Variants in ADAMTSL2 observed in about 807,000 individuals in gnomAD.
The protein encoded by ADAMTSL2 is ADAMTS like 2, also known as ADAMTS-like protein 2.
In ADAMTSL2, 55 loss-of-function variants were observed where a neutral mutation model predicts 117.0. The observed-to-expected ratio is 0.47, with a 90% confidence interval of 0.38 to 0.59. The LOEUF (loss-of-function observed/expected upper bound fraction) is 0.59. Ranked by LOEUF, ADAMTSL2 falls within the 20% of genes least tolerant of loss-of-function variation. The probability of loss-of-function intolerance (pLI) is 0.00; values close to 1 mark genes in which losing one functional copy is unlikely to be tolerated. For synonymous variants in ADAMTSL2, 572 were observed against 566.4 expected (o/e 1.01, Z -0.14); for missense variants, 1,182 against 1,354.5 (o/e 0.87, Z 2.00).
Position 133,553,038 on chromosome 9 carries a change from T to C in ADAMTSL2, c.940-1319T>C, listed in dbSNP as rs1307101614. ...CGAGAATGTGACTTAATCTAAGCTA[T>C]TGGTCTGGTGGCTGGGAGAGGAGGG... is the stretch of plus-strand genomic sequence containing the variant. On this transcript the variant is annotated intron_variant, in intron 9 of 18. Transcript: ENST00000651351. 2.0e-5 allele frequency among the ~76,000 whole-genome samples: 3 copies of C among 152,228 alleles called. No homozygotes were observed. In the East Asian group the frequency reaches 5.8e-4, roughly 29 times the overall value.
At chr9:133,547,283 T>G in intron 9 of ADAMTSL2, 70 bp downstream of exon 9, 1 of 1,516,986 alleles carries the variant, frequency 6.6e-7, no homozygotes, top group Non-Finnish European at 9.0e-7. Context: ...CAGCCACAGG[T>G]GAGGTCTTCC....
intron 8 of ADAMTSL2, among the ~76,000 whole-genome samples, chr9:133,546,767 T>C (rs1167398663): frequency 6.6e-6 from 1 of 152,160 alleles, no homozygotes; most frequent in East Asian, 1.9e-4. Context: ...TCTTCACAGG[T>C]AGCCACAAGA....
intron 9 of ADAMTSL2, among the ~76,000 whole-genome samples, chr9:133,549,915 T>C (rs777691973): frequency 2.6e-5 from 4 of 152,166 alleles, no homozygotes; most frequent in Non-Finnish European, 5.9e-5. Context: ...CCCCAAGTGG[T>C]GGCTGGGAAT....
In ADAMTSL2 at chr9:133,555,731, C is replaced by A; in HGVS notation, c.1450C>A (p.Gln484Lys). 6.2e-7 allele frequency: 1 copy of A among 1,614,028 alleles called. No individual in the cohort carries two copies. ...TGAGACTGTGAACAGCATCTTTGCA[C>A]AGGGCGCCCCAAGGAGCTCCCTGGC... ...LNETVNSIFA[Q>K]GAPRSSLAES... Residue 484 changes from glutamine to lysine, a missense_variant, in exon 11 of 19, where the codon CAG becomes AAG. Physicochemically the swap from Gln to Lys is moderately conservative, Grantham distance 53. Around this residue, in one of 3 missense-constraint regions of ADAMTSL2, gnomAD observed 345 missense variants for 325.8 expected, o/e 1.06. Coordinates refer to ENST00000651351, the MANE Select transcript of ADAMTSL2 (RefSeq NM_014694.4).
chr9:133,556,999 T>C (rs1830617762), intron 11 of ADAMTSL2, among the ~76,000 whole-genome samples: 1 of 152,160 alleles, frequency 6.6e-6, no homozygotes, highest in Non-Finnish European at 1.5e-5. Flanking sequence ...CACTGGTGTT[T>C]GGTTTTGTTT....
At position 133,575,129 on chromosome 9, in the gene ADAMTSL2, T is replaced by TCTGTCA; in HGVS notation, c.*265_*266insCTGTCA. ...TCCGTGTTCCTGCGTGGATCCTGTGTTTGTGGCTCCCACTCCCCAGCCCCC... is the reference window on the plus strand; with the variant it reads ...TCCGTGTTCCTGCGTGGATCCTGTGTCTGTCATTGTGGCTCCCACTCCCCAGCCCCC... On this transcript the variant is annotated 3_prime_UTR_variant, in exon 19 of 19. Coordinates refer to ENST00000651351, the MANE Select transcript of ADAMTSL2 (RefSeq NM_014694.4). 1.9e-6 allele frequency: 1 copy of TCTGTCA among 516,242 alleles called. No individual in the cohort carries two copies. Among genetic ancestry groups the TCTGTCA allele is most frequent in the Non-Finnish European group, 3.5e-6 (1 of 283,940 alleles). The allele number at this position is 516,242 out of a possible 1,614,324, so 32.0% of individuals were successfully genotyped here.
Position 133,558,224 on chromosome 9 carries a change from C to CG in ADAMTSL2, c.1649+2296dup, listed in dbSNP as rs1830650478. 6.6e-6 allele frequency among the ~76,000 whole-genome samples: 1 copy of CG among 152,180 alleles called. No individual in the cohort carries two copies. Among genetic ancestry groups the CG allele is most frequent in the African/African-American group, 2.4e-5 (1 of 41,442 alleles). ...GACTGCTGAGATGCCGCTGCTCCCC[C>CG]GGCCGGCCTGCCATCAAAGGATGCT... On this transcript the variant is annotated intron_variant, in intron 11 of 18. Coordinates refer to ENST00000651351, the MANE Select transcript of ADAMTSL2 (RefSeq NM_014694.4). This position sits in a 1 kb window ranked among gnomAD's most constrained non-coding sequence, Gnocchi z 4.3.
intron 9 of ADAMTSL2, among the ~76,000 whole-genome samples, chr9:133,553,402 C>G (rs1830531705): frequency 6.6e-6 from 1 of 152,194 alleles, no homozygotes; most frequent in East Asian, 1.9e-4. Flanking sequence ...TGCGGCTGCG[C>G]AGACCCTCAC....
At chr9:133,560,021 G>A (rs908445325) in intron 11 of ADAMTSL2, among the ~76,000 whole-genome samples, 9 of 152,208 alleles carry the variant, frequency 5.9e-5, no homozygotes, top group Non-Finnish European at 1.2e-4. Context: ...AAACAGAAGA[G>A]CAATGCTCAC....
chr9:133,566,582 C>T (rs370028976), intron 12 of ADAMTSL2, among the ~76,000 whole-genome samples: 1 of 152,138 alleles, frequency 6.6e-6, no homozygotes, highest in African/African-American at 2.4e-5. Flanking sequence ...GCCTGTCCAC[C>T]CAGGGATGGG....
intron 11 of ADAMTSL2, 149 bp downstream of exon 11, chr9:133,556,079 G>A (rs1830599757): frequency 9.2e-7 from 1 of 1,090,846 alleles, no homozygotes; most frequent in African/African-American, 1.6e-5. Flanking sequence ...TCTTCCCGGG[G>A]TTCTCCACTC....
chr9:133,555,908 G>T lies in ADAMTSL2; in HGVS notation c.1627G>T (p.Gly543Trp), dbSNP rs1187092076. 1.9e-6 allele frequency: 3 copies of T among 1,612,412 alleles called. No individual in the cohort carries two copies. Among genetic ancestry groups the T allele is most frequent in the African/African-American group, 2.7e-5 (2 of 75,040 alleles). ...NVSTSLLTSA[G>W]NRTHKARTRP... ...TAGCACCAGCCTGCTCACCTCGGCC[G>T]GGAACAGGACTCACAAGGCCAGGTA... Residue 543 changes from glycine (G) to tryptophan (W), a missense_variant, in exon 11 of 19, where the codon GGG becomes TGG. By Grantham distance (184) the Gly-to-Trp change is radical. Around this residue, in one of 3 missense-constraint regions of ADAMTSL2, gnomAD observed 345 missense variants for 325.8 expected, o/e 1.06. Transcript: ENST00000651351.
chr9:133,535,262 C>T (rs1830023664), intron 1 of ADAMTSL2, among the ~76,000 whole-genome samples: 1 of 152,092 alleles, frequency 6.6e-6, no homozygotes. Flanking sequence ...CGGCTGGCAC[C>T]TGTCTTCAGC....
Position 133,557,808 on chromosome 9 carries a change from A to G in ADAMTSL2, c.1649+1878A>G, listed in dbSNP as rs1830637313. On this transcript the variant is annotated intron_variant, in intron 11 of 18. Transcript: ENST00000651351. This position sits in a 1 kb window ranked among gnomAD's most constrained non-coding sequence, Gnocchi z 5.2. ...ACCCACTGCCTGGGTCAGGGAGGCC[A>G]GCTCTCCGGCAGTCACGGCCCTCCA... Among the ~76,000 whole-genome samples, 1 of 152,208 alleles carries G rather than the reference A, an allele frequency of 6.6e-6. No individual in the cohort carries two copies. The highest frequency in any genetic ancestry group is 2.1e-4 in the South Asian group (1 of 4,830).
intron 13 of ADAMTSL2, among the ~76,000 whole-genome samples, chr9:133,567,775 T>G (rs1831009104): frequency 6.6e-6 from 1 of 152,218 alleles, no homozygotes; most frequent in Non-Finnish European, 1.5e-5. Flanking sequence ...GGCCCTGTCC[T>G]TCCCCTCAGA....
intron 13 of ADAMTSL2, among the ~76,000 whole-genome samples, chr9:133,567,597 G>A (rs1025811786): frequency 6.6e-6 from 1 of 152,122 alleles, no homozygotes; most frequent in Non-Finnish European, 1.5e-5. Context: ...CACACTCCTC[G>A]GAGGCTGAGC....
intron 11 of ADAMTSL2, 27 bp from the exon 12 acceptor site, chr9:133,561,171 A>G: frequency 6.3e-7 from 1 of 1,579,156 alleles, no homozygotes. Flanking sequence ...GCGTCTCATC[A>G]CCTTCCCTGC....
rs1156849621 is a variant in ADAMTSL2, at chr9:133,562,612, G to A, written c.1747+1317G>A. On this transcript the variant is annotated intron_variant, in intron 12 of 18. Coordinates refer to ENST00000651351, the MANE Select transcript of ADAMTSL2 (RefSeq NM_014694.4). ...CTCGCACCGCCGTGGGCGGCGTGGCGGGCACCCGGCTGGGCCCGGTTCGCA... is the reference window on the plus strand; with the variant it reads ...CTCGCACCGCCGTGGGCGGCGTGGCAGGCACCCGGCTGGGCCCGGTTCGCA... Among the ~76,000 whole-genome samples, 3 of 117,860 alleles carry A rather than the reference G, an allele frequency of 2.5e-5. 1 individual carries two copies. Among genetic ancestry groups the A allele is most frequent in the Non-Finnish European group, 5.6e-5 (3 of 54,016 alleles). The allele number at this position is 117,860 out of a possible 152,430, so 77.3% of individuals were successfully genotyped here.
chr9:133,546,100 G>A lies in ADAMTSL2; in HGVS notation c.764-938G>A, dbSNP rs528831902. Among the ~76,000 whole-genome samples, 6 of 152,184 alleles carry A rather than the reference G, an allele frequency of 3.9e-5. No homozygotes were observed. In the East Asian group the frequency reaches 7.7e-4, roughly 20 times the overall value. The stretch of plus-strand genomic sequence containing the variant: ...CACCCTTTGGAAGACAGAGTGTCCC[G>A]AGCGCCGAATCGGCCTCCTCCCTGC... On this transcript the variant is annotated intron_variant, in intron 8 of 18. Coordinates refer to ENST00000651351, the MANE Select transcript of ADAMTSL2 (RefSeq NM_014694.4).
Sources: gnomAD v4.1 joint callset for allele counts (sites outside exome capture counted in the v4.1 genomes callset) on GRCh38, gnomAD v4.1.1 for gene constraint, gnomAD v4.1.1 regional missense constraint, Gnocchi (gnomAD v3.1) non-coding constraint, MANE v1.5 for transcripts, NCBI Gene and HGNC (gene_info 2026-07-23, HGNC 2026-07-21) for gene names.